The following GTF2F2 variants were observed in gnomAD, a reference collection of about 807,000 sequenced individuals.
The protein encoded by GTF2F2 is general transcription factor IIF subunit 2, also known as ATP-dependent helicase GTF2F2.
GTF2F2 carries 23 observed loss-of-function variants against 42.2 expected under a neutral mutation model. The observed-to-expected ratio is 0.55, with a 90% confidence interval of 0.39 to 0.77. The LOEUF (loss-of-function observed/expected upper bound fraction) is 0.77. Among genes scored for constraint, GTF2F2 ranks in the 30% least tolerant of loss-of-function variants. The pLI is 0.00. For missense variants in GTF2F2, 261 were observed against 287.2 expected (o/e 0.91, Z 0.66); for synonymous variants, 105 against 100.8 (o/e 1.04, Z -0.25).
intron 4 of GTF2F2, among the ~76,000 whole-genome samples, chr13:45,191,215 CAAAAAA>C (rs1158010068): frequency 1.3e-5 from 1 of 74,868 alleles, no homozygotes; most frequent in South Asian, 3.9e-4. Flanking sequence ...ACTAAAAATA[CAAAAAA>C]AAAATATATA....
rs150029278 is a variant in GTF2F2 at position 45,215,220 on chromosome 13, C to A, written c.386+7715C>A. On this transcript the variant is annotated intron_variant, in intron 5 of 7. Coordinates refer to ENST00000340473, the MANE Select transcript of GTF2F2 (RefSeq NM_004128.3). ...GGATGCTAAGTTTAATGCAAATATC[C>A]CCAAATCAGAAACATTGCTGTTCCA... Among the ~76,000 whole-genome samples, 323 of 152,180 alleles carry A rather than the reference C, an allele frequency of 2.1e-3. 4 individuals carry two copies. The highest frequency in any genetic ancestry group is 7.4e-3 in the African/African-American group (306 of 41,538).
intron 4 of GTF2F2, among the ~76,000 whole-genome samples, chr13:45,184,795 T>G (rs767189961): frequency 6.6e-6 from 1 of 152,102 alleles, no homozygotes; most frequent in Non-Finnish European, 1.5e-5. Context: ...TTTGTATATA[T>G]TTTATACAAG....
chr13:45,131,897 CAAAAAAAAAAA>C (rs765260379), intron 1 of GTF2F2, among the ~76,000 whole-genome samples: 3 of 53,184 alleles, frequency 5.6e-5, no homozygotes, highest in African/African-American at 1.7e-4. Flanking sequence ...GACCCTGTCT[CAAAAAAAAAAA>C]AAAAAAAAAA....
intron 4 of GTF2F2, chr13:45,207,105 G>A (rs182893292): frequency 2.7e-3 from 544 of 198,074 alleles, no homozygotes; most frequent in Non-Finnish European, 5.0e-3. Context: ...TGTCAAAGAC[G>A]ATAGCCTTTA....
intron 4 of GTF2F2, among the ~76,000 whole-genome samples, chr13:45,167,252 A>G (rs1431272623): frequency 7.1e-6 from 1 of 141,226 alleles, no homozygotes; most frequent in African/African-American, 2.8e-5. Flanking sequence ...TTTTTTTTTT[A>G]AAGATGGAGT....
chr13:45,167,697 C>T (rs895270430), intron 4 of GTF2F2, among the ~76,000 whole-genome samples: 7 of 152,154 alleles, frequency 4.6e-5, no homozygotes, highest in East Asian at 1.9e-4. Context: ...CCGTGCCCGG[C>T]CCCCCAGCTG....
Position 45,159,618 on chromosome 13 carries a change from G to T in GTF2F2, c.304+7787G>T, listed in dbSNP as rs150458609. ...ATACAAAAAATTACAGACTACAGAC[G>T]TGCGCCACCACGCCGGGCTAATTTT... is the stretch of plus-strand genomic sequence containing the variant. On this transcript the variant is annotated intron_variant, in intron 4 of 7. Transcript: ENST00000340473. Among the ~76,000 whole-genome samples, 278 of 152,224 alleles carry T rather than the reference G, an allele frequency of 1.8e-3. 1 individual carries two copies. In the East Asian group the frequency reaches 0.038, roughly 21 times the overall value.
At chr13:45,231,358 G>A (rs1230525951) in intron 5 of GTF2F2, among the ~76,000 whole-genome samples, 5 of 152,030 alleles carry the variant, frequency 3.3e-5, no homozygotes, top group South Asian at 2.1e-4. Context: ...TGCCCACCTC[G>A]GCCTCCCAGA....
chr13:45,236,704 A>G (rs1305640812), intron 5 of GTF2F2, among the ~76,000 whole-genome samples: 1 of 152,218 alleles, frequency 6.6e-6, no homozygotes, highest in East Asian at 1.9e-4. Context: ...TAGAAAATCA[A>G]CCAAAAGGGT....
At chr13:45,175,478 A>G (rs1871829294) in intron 4 of GTF2F2, among the ~76,000 whole-genome samples, 1 of 152,126 alleles carries the variant, frequency 6.6e-6, no homozygotes, top group Non-Finnish European at 1.5e-5. Flanking sequence ...GCTGGATCAT[A>G]TGGTTGTTCT....
At chr13:45,155,294 T>C (rs1448639319) in intron 4 of GTF2F2, among the ~76,000 whole-genome samples, 2 of 152,218 alleles carry the variant, frequency 1.3e-5, no homozygotes, top group East Asian at 3.8e-4. Context: ...AAGTAGGCAT[T>C]ATCTGGGATA....
At chr13:45,156,732 T>C (rs1870774734) in intron 4 of GTF2F2, among the ~76,000 whole-genome samples, 1 of 152,158 alleles carries the variant, frequency 6.6e-6, no homozygotes, top group African/African-American at 2.4e-5. Flanking sequence ...GGCCTGAGCA[T>C]CTGGAGGGAT....
intron 4 of GTF2F2, among the ~76,000 whole-genome samples, chr13:45,198,577 C>T (rs563929056): frequency 6.6e-6 from 1 of 152,316 alleles, no homozygotes; most frequent in African/African-American, 2.4e-5. Context: ...GCATGCTTCT[C>T]TGCTTGTCTT....
At chr13:45,202,963 G>GAAATA (rs1201594497) in intron 4 of GTF2F2, among the ~76,000 whole-genome samples, 10 of 152,142 alleles carry the variant, frequency 6.6e-5, no homozygotes, top group East Asian at 3.9e-4. Context: ...CATCATCTCA[G>GAAATA]AAATAAAATA....
At position 45,151,741 on chromosome 13, in the gene GTF2F2, C is replaced by T; in HGVS notation, c.214C>T (p.Pro72Ser). 1.2e-6 allele frequency: 2 copies of T among 1,603,124 alleles called. No individual in the cohort carries two copies. The highest frequency in any genetic ancestry group is 1.7e-6 in the Non-Finnish European group (2 of 1,171,618). The change falls in exon 4 of 8, where the codon CCA (proline) becomes TCA (serine). Residue 72 changes from proline (P) to serine (S), a missense_variant. Coordinates refer to ENST00000340473, the MANE Select transcript of GTF2F2 (RefSeq NM_004128.3). ...LANIHDIGGK[P>S]ASVSAPREHP... Reference sequence around the variant, plus strand: ...AAATATTCATGATATTGGTGGAAAACCAGCTTCAGTCAGTGCTCCTAGAGA... The same window carrying T: ...AAATATTCATGATATTGGTGGAAAATCAGCTTCAGTCAGTGCTCCTAGAGA...
chr13:45,228,547 A>C (rs1397798064), intron 5 of GTF2F2, among the ~76,000 whole-genome samples: 1 of 146,698 alleles, frequency 6.8e-6, no homozygotes, highest in Non-Finnish European at 1.5e-5. Context: ...ATGCTCACAC[A>C]CCGTTCTTCC....
At chr13:45,217,626 CTT>C (rs370496275) in intron 5 of GTF2F2, among the ~76,000 whole-genome samples, 1 of 152,128 alleles carries the variant, frequency 6.6e-6, no homozygotes, top group African/African-American at 2.4e-5. Context: ...AATTGATACT[CTT>C]TTTTAGTTAG....
At chr13:45,157,154 G>C (rs1433238317) in intron 4 of GTF2F2, among the ~76,000 whole-genome samples, 1 of 152,126 alleles carries the variant, frequency 6.6e-6, no homozygotes, top group Non-Finnish European at 1.5e-5. Context: ...AGCCAGCTAG[G>C]AGTTTTTAAG....
At chr13:45,184,394 G>C (rs6561208) in intron 4 of GTF2F2, among the ~76,000 whole-genome samples, 53,306 of 144,290 alleles carry the variant, frequency 0.37, 12,324 homozygotes, top group African/African-American at 0.7. Flanking sequence ...ATTCCCCCCC[G>C]CCCTTTTTTT....
Sources: allele counts gnomAD v4.1 joint callset (sites outside exome capture counted in the v4.1 genomes callset), GRCh38; gene constraint gnomAD v4.1.1; transcripts MANE v1.5; gene names NCBI Gene and HGNC (gene_info 2026-07-23, HGNC 2026-07-21).